Variants in THNSL1 observed in about 807,000 individuals in gnomAD.
The protein encoded by THNSL1 is threonine synthase-like 1.
A neutral mutation model predicts 50.4 loss-of-function variants in THNSL1; 48 were observed. That is an observed-to-expected ratio of 0.95 (90% CI 0.76 to 1.21). THNSL1 has a LOEUF of 1.21. Ranked by LOEUF, THNSL1 falls within the 50% of genes most tolerant of loss-of-function variation. The pLI is 0.00. For synonymous variants in THNSL1, 309 were observed against 306.1 expected, an observed-to-expected ratio of 1.01 and a Z score of -0.10; for missense variants, 896 against 871.7, an observed-to-expected ratio of 1.03 and a Z score of -0.35.
upstream of THNSL1, among the ~76,000 whole-genome samples, chr10:25,016,460 G>A (rs1850577086): frequency 1.3e-5 from 2 of 152,346 alleles, no homozygotes; most frequent in South Asian, 4.1e-4. Context: ...TCGCGGTGTG[G>A]GCGGAGCGAG....
the THNSL1 span, among the ~76,000 whole-genome samples, chr10:24,962,826 A>T: frequency 2.0e-5 from 3 of 152,320 alleles, no homozygotes; most frequent in South Asian, 6.2e-4. Context: ...CATTGTCATT[A>T]TCTCAATTTG....
the THNSL1 span, among the ~76,000 whole-genome samples, chr10:25,003,955 G>C: frequency 6.6e-6 from 1 of 152,182 alleles, no homozygotes; most frequent in Non-Finnish European, 1.5e-5. Flanking sequence ...GTGTTAGTTT[G>C]CTAAGGATAA....
the THNSL1 span, among the ~76,000 whole-genome samples, chr10:24,962,270 A>G: frequency 6.6e-6 from 1 of 152,214 alleles, no homozygotes; most frequent in African/African-American, 2.4e-5. Flanking sequence ...AATTACAAGA[A>G]TATCTCTGTC....
chr10:24,971,993 C>T, the THNSL1 span, among the ~76,000 whole-genome samples: 1 of 152,016 alleles, frequency 6.6e-6, no homozygotes, highest in East Asian at 1.9e-4. Context: ...GAGTTCAAGA[C>T]CAGCCTGGCC....
the THNSL1 span, among the ~76,000 whole-genome samples, chr10:25,004,059 G>T: frequency 6.6e-6 from 1 of 152,190 alleles, no homozygotes; most frequent in Non-Finnish European, 1.5e-5. Flanking sequence ...TTATTTATTG[G>T]ATAATTTTTA....
At chr10:24,975,248 A>G in the THNSL1 span, among the ~76,000 whole-genome samples, 18 of 152,228 alleles carry the variant, frequency 1.2e-4, no homozygotes, top group Admixed American at 2.0e-4. Context: ...GGAATTGCAC[A>G]AGATTAAGGT....
chr10:25,008,774 A>G, the THNSL1 span, among the ~76,000 whole-genome samples: 2 of 152,086 alleles, frequency 1.3e-5, no homozygotes, highest in South Asian at 4.1e-4. Context: ...CCAAAGGACC[A>G]TAAATCATGC....
the THNSL1 span, among the ~76,000 whole-genome samples, chr10:24,962,920 C>T: frequency 6.6e-6 from 1 of 152,176 alleles, no homozygotes; most frequent in Admixed American, 6.6e-5. Flanking sequence ...GTCACACACA[C>T]AGGTGAGAAC....
the THNSL1 span, among the ~76,000 whole-genome samples, chr10:24,990,777 A>G: frequency 6.6e-6 from 1 of 152,216 alleles, no homozygotes; most frequent in African/African-American, 2.4e-5. Flanking sequence ...ATTGAGAGCT[A>G]GTAGATTCCT....
At chr10:24,987,740 A>T in the THNSL1 span, among the ~76,000 whole-genome samples, 1 of 152,150 alleles carries the variant, frequency 6.6e-6, no homozygotes, top group Non-Finnish European at 1.5e-5. Context: ...CCAGCCTGGC[A>T]ATTGGTAAAT....
the THNSL1 span, among the ~76,000 whole-genome samples, chr10:24,954,412 C>T: frequency 6.6e-6 from 1 of 151,982 alleles, no homozygotes; most frequent in African/African-American, 2.4e-5. Flanking sequence ...AGTGTGGGTG[C>T]AGGGCCAGAT....
the THNSL1 span, among the ~76,000 whole-genome samples, chr10:24,979,332 A>G: frequency 8.2e-4 from 125 of 152,344 alleles, no homozygotes; most frequent in South Asian, 1.7e-3. Context: ...AAAGGATTCA[A>G]TGGAAGAGTT....
the THNSL1 span, chr10:24,983,493 T>C: frequency 6.6e-6 from 1 of 152,196 alleles, no homozygotes; most frequent in African/African-American, 2.4e-5. Flanking sequence ...CTACCCTAAA[T>C]AGCAACCAAC....
Position 25,023,837 on chromosome 10 carries a change from G to C in THNSL1, c.614G>C (p.Ser205Thr). 1 of 1,614,226 alleles carries C rather than the reference G, an allele frequency of 6.2e-7. No homozygotes were observed. Among genetic ancestry groups the C allele is most frequent in the South Asian group, 1.1e-5 (1 of 91,086 alleles). ...TATGATGCTCGTGTTTTCTGTGAAA[G>C]TGGGGCTTCCCCAGAGGAGGTAGCT... Reference protein sequence around the residue: ...KWYDARVFCESGASPEEVADK... With the variant: ...KWYDARVFCETGASPEEVADK... The change falls in exon 3 of 3, where the codon AGT becomes ACT. Residue 205 changes from serine (S) to threonine (T), a missense_variant. Transcript: ENST00000376356.
intron 2 of THNSL1, among the ~76,000 whole-genome samples, chr10:25,022,879 T>C (rs1283818142): frequency 1.3e-5 from 2 of 152,198 alleles, no homozygotes; most frequent in Non-Finnish European, 2.9e-5. Flanking sequence ...TTTAAAAGCA[T>C]CTACAATCTG....
Position 25,023,415 on chromosome 10 carries a change from T to A in THNSL1, c.192T>A (p.Pro64=). Residue 64 remains proline (P), a synonymous_variant, in exon 3 of 3, where the codon CCT becomes CCA. Coordinates refer to ENST00000376356, the MANE Select transcript of THNSL1 (RefSeq NM_024838.5). ...GDKNIILMGP[P]GAGKTTVGRI... The stretch of plus-strand genomic sequence containing the variant: ...AAAATATTATCCTGATGGGACCTCC[T>A]GGTGCTGGGAAAACAACAGTAGGCA... 1 of 1,614,148 alleles carries A rather than the reference T, an allele frequency of 6.2e-7. No individual in the cohort carries two copies. Among genetic ancestry groups the A allele is most frequent in the Non-Finnish European group, 8.5e-7 (1 of 1,180,000 alleles).
At chr10:25,019,224 G>A (rs1850671293) in intron 1 of THNSL1, among the ~76,000 whole-genome samples, 1 of 152,180 alleles carries the variant, frequency 6.6e-6, no homozygotes, top group Non-Finnish European at 1.5e-5. Flanking sequence ...TGCAATCCAA[G>A]CACTTTTTGA....
At chr10:24,990,491 G>A in the THNSL1 span, 9 of 1,613,304 alleles carry the variant, frequency 5.6e-6, no homozygotes, top group South Asian at 2.2e-5. Flanking sequence ...TTCTTCATCG[G>A]AGAGCCTTTT....
the THNSL1 span, among the ~76,000 whole-genome samples, chr10:24,972,930 C>T: frequency 6.6e-6 from 1 of 152,094 alleles, no homozygotes; most frequent in Admixed American, 6.6e-5. Context: ...GTACTCAACC[C>T]TTTATATACT....
Sources: gnomAD v4.1 joint callset for allele counts (sites outside exome capture counted in the v4.1 genomes callset) on GRCh38, gnomAD v4.1.1 for gene constraint, MANE v1.5 for transcripts, NCBI Gene and HGNC (gene_info 2026-07-23, HGNC 2026-07-21) for gene names.